Variants in ZDHHC2 observed in about 807,000 individuals in gnomAD.
The protein encoded by ZDHHC2 is palmitoyltransferase ZDHHC2.
In ZDHHC2, 51 loss-of-function variants were observed where a neutral mutation model predicts 55.6. That is an observed-to-expected ratio of 0.92 (90% CI 0.73 to 1.16). The LOEUF (loss-of-function observed/expected upper bound fraction) is 1.16. Among genes scored for constraint, ZDHHC2 ranks in the 50% most tolerant of loss-of-function variants. ZDHHC2 has a pLI of 0.00. For missense variants in ZDHHC2, 491 were observed against 442.4 expected, an observed-to-expected ratio of 1.11 and a Z score of -0.99; for synonymous variants, 199 against 152.9, an observed-to-expected ratio of 1.30 and a Z score of -2.22.
At chr8:17,212,756 G>A (rs1171141783) in intron 10 of ZDHHC2, among the ~76,000 whole-genome samples, 1 of 151,638 alleles carries the variant, frequency 6.6e-6, no homozygotes, top group Admixed American at 6.6e-5. Flanking sequence ...ATGAATGTCT[G>A]TTCCATCACT....
chr8:17,176,654 A>C (rs1279652556), intron 1 of ZDHHC2, among the ~76,000 whole-genome samples: 1 of 152,178 alleles, frequency 6.6e-6, no homozygotes, highest in Non-Finnish European at 1.5e-5. Flanking sequence ...CTGCCAGTGC[A>C]GAGGATCAAG....
chr8:17,170,469 T>A (rs1460841417), intron 1 of ZDHHC2, among the ~76,000 whole-genome samples: 1 of 152,234 alleles, frequency 6.6e-6, no homozygotes, highest in Non-Finnish European at 1.5e-5. Context: ...TGTAAAGTAC[T>A]CATAAGTGTC....
intron 2 of ZDHHC2, among the ~76,000 whole-genome samples, chr8:17,185,636 G>C (rs1024886819): frequency 6.6e-6 from 1 of 152,100 alleles, no homozygotes; most frequent in Non-Finnish European, 1.5e-5. Context: ...CTCCAGCCTG[G>C]GCGACAGAGT....
rs1808048317 is a variant in ZDHHC2 at position 17,224,591 on chromosome 8, C to T, written c.*4370C>T. On this transcript the variant is annotated 3_prime_UTR_variant, in exon 13 of 13. Coordinates refer to ENST00000262096, the MANE Select transcript of ZDHHC2 (RefSeq NM_016353.5). Reference sequence around the variant, plus strand: ...TGTTTGATTGATAAAGGTGCTTAATCAATTGAAAAAAAAACGCATAATGCT... The same window carrying T: ...TGTTTGATTGATAAAGGTGCTTAATTAATTGAAAAAAAAACGCATAATGCT... 1 of 150,184 alleles carries T rather than the reference C, an allele frequency of 6.7e-6. No individual in the cohort carries two copies. 9.3% of individuals were successfully genotyped at this position (150,184 alleles called of 1,614,324 possible).
At chr8:17,199,449 CA>C (rs1385344548) in intron 6 of ZDHHC2, among the ~76,000 whole-genome samples, 35 of 139,628 alleles carry the variant, frequency 2.5e-4, no homozygotes, top group African/African-American at 9.9e-4. Context: ...CCCTCTCCCC[CA>C]GTGTCTTTAA....
At chr8:17,199,250 A>G (rs1161210374) in intron 6 of ZDHHC2, among the ~76,000 whole-genome samples, 1 of 152,080 alleles carries the variant, frequency 6.6e-6, no homozygotes, top group Non-Finnish European at 1.5e-5. Context: ...TTTCACCAGT[A>G]TACCTCTTTC....
At chr8:17,180,693 A>C (rs1429723583) in intron 1 of ZDHHC2, among the ~76,000 whole-genome samples, 1 of 152,144 alleles carries the variant, frequency 6.6e-6, no homozygotes, top group Admixed American at 6.5e-5. Context: ...AATCACCCTC[A>C]TTTTGTAGTG....
chr8:17,184,561 C>G (rs1188159520), intron 1 of ZDHHC2, among the ~76,000 whole-genome samples: 1 of 152,234 alleles, frequency 6.6e-6, no homozygotes, highest in Non-Finnish European at 1.5e-5. Context: ...GGACAGGAGC[C>G]AGGGCTGAAG....
chr8:17,175,442 C>T (rs1217599416), intron 1 of ZDHHC2, among the ~76,000 whole-genome samples: 2 of 152,150 alleles, frequency 1.3e-5, no homozygotes, highest in South Asian at 4.1e-4. Flanking sequence ...AAAATTTTAG[C>T]GTTACTACAT....
At chr8:17,191,475 C>G (rs1021756032) in intron 3 of ZDHHC2, among the ~76,000 whole-genome samples, 1 of 152,192 alleles carries the variant, frequency 6.6e-6, no homozygotes, top group Non-Finnish European at 1.5e-5. Context: ...ACTACCCTTC[C>G]CAGCCTCTGG....
intron 1 of ZDHHC2, among the ~76,000 whole-genome samples, chr8:17,170,496 C>A (rs965366996): frequency 9.2e-5 from 14 of 152,076 alleles, no homozygotes; most frequent in Non-Finnish European, 1.6e-4. Flanking sequence ...TTTTATGAAC[C>A]TAGAAATAAT....
chr8:17,212,784 C>G (rs1368160266), intron 10 of ZDHHC2, among the ~76,000 whole-genome samples: 2 of 152,078 alleles, frequency 1.3e-5, no homozygotes, highest in Non-Finnish European at 2.9e-5. Flanking sequence ...ACTGATCTGA[C>G]CCCAGACAGT....
intron 3 of ZDHHC2, among the ~76,000 whole-genome samples, chr8:17,188,086 C>G (rs1333863831): frequency 6.6e-6 from 1 of 152,184 alleles, no homozygotes; most frequent in Non-Finnish European, 1.5e-5. Flanking sequence ...TTAGTCTGTA[C>G]TTGCATATTA....
At chr8:17,170,731 C>A (rs1804817413) in intron 1 of ZDHHC2, among the ~76,000 whole-genome samples, 1 of 151,960 alleles carries the variant, frequency 6.6e-6, no homozygotes, top group Non-Finnish European at 1.5e-5. Context: ...CTGAGTATAC[C>A]AGATAATAAG....
intron 6 of ZDHHC2, among the ~76,000 whole-genome samples, 187 bp downstream of exon 6, chr8:17,198,600 T>C (rs1317804294): frequency 6.6e-6 from 1 of 152,228 alleles, no homozygotes; most frequent in Non-Finnish European, 1.5e-5. Flanking sequence ...TTCCATGAAA[T>C]ACTTTTAAAA....
In ZDHHC2 at chr8:17,221,355, TATA is replaced by T. The variant is rs1400447230; in HGVS notation, c.*1139_*1141del. 6.6e-6 allele frequency: 1 copy of T among 152,548 alleles called. No individual in the cohort carries two copies. Among genetic ancestry groups the T allele is most frequent in the Non-Finnish European group, 1.5e-5 (1 of 67,970 alleles). The allele number at this position is 152,548 out of a possible 1,614,324, so 9.4% of individuals were successfully genotyped here. A position where few individuals can be genotyped will look rare whatever the true frequency, so the allele number is the denominator to read the frequency against. On this transcript the variant is annotated 3_prime_UTR_variant, in exon 13 of 13. Transcript: ENST00000262096. The stretch of plus-strand genomic sequence containing the variant: ...TGCCAGAATGTTCAGCTTCAGTAAA[TATA>T]ATAAGCTCTTGTGCCTTGTATGCAC...
intron 1 of ZDHHC2, among the ~76,000 whole-genome samples, chr8:17,179,774 G>A (rs1805339039): frequency 6.6e-6 from 1 of 152,194 alleles, no homozygotes; most frequent in Admixed American, 6.5e-5. Context: ...AACTATAGTA[G>A]TAATTTACCT....
chr8:17,184,033 G>A (rs1326637220), intron 1 of ZDHHC2, among the ~76,000 whole-genome samples: 2 of 152,126 alleles, frequency 1.3e-5, no homozygotes, highest in Admixed American at 1.3e-4. Context: ...TACAAAGTCA[G>A]ACTTGCTACA....
chr8:17,164,710 T>C (rs1237028517), intron 1 of ZDHHC2, among the ~76,000 whole-genome samples: 2 of 151,886 alleles, frequency 1.3e-5, no homozygotes, highest in African/African-American at 4.9e-5. Context: ...ATAATCCTTA[T>C]AAAAATAAGT....
Sources: gnomAD v4.1 joint callset for allele counts (sites outside exome capture counted in the v4.1 genomes callset) on GRCh38, gnomAD v4.1.1 for gene constraint, MANE v1.5 for transcripts, NCBI Gene and HGNC (gene_info 2026-07-23, HGNC 2026-07-21) for gene names.